The following LRP1B variants were observed in gnomAD, a reference collection of about 807,000 sequenced individuals.
The protein encoded by LRP1B is low-density lipoprotein receptor-related protein 1B.
LRP1B carries 217 observed loss-of-function variants against 556.6 expected under a neutral mutation model. The ratio of observed to expected loss-of-function variants is 0.39; its 90% CI spans 0.35 to 0.44. The LOEUF (loss-of-function observed/expected upper bound fraction) is 0.44. LRP1B is among the 20% of genes least tolerant of loss of function. LRP1B has a pLI of 1.00. For missense variants in LRP1B, 5,053 were observed against 5,620.8 expected, an observed-to-expected ratio of 0.90 and a Z score of 3.23; for synonymous variants, 2,047 against 1,865.8, an observed-to-expected ratio of 1.10 and a Z score of -2.50.
At chr2:141,331,518 C>CTT (rs1263998001) in intron 3 of LRP1B, among the ~76,000 whole-genome samples, 4,054 of 68,116 alleles carry the variant, frequency 0.06, 92 homozygotes, top group Middle Eastern at 0.12. Context: ...TTCTTTCTTT[C>CTT]TTTCTCTTTC....
At chr2:141,156,569 C>T (rs140339452) in intron 7 of LRP1B, among the ~76,000 whole-genome samples, 44 of 150,828 alleles carry the variant, frequency 2.9e-4, no homozygotes, top group Admixed American at 1.3e-3. Flanking sequence ...TGGGGGTTGC[C>T]GTGAGCCGAG....
chr2:140,979,768 T>C (rs1261667875), intron 18 of LRP1B, among the ~76,000 whole-genome samples: 1 of 152,154 alleles, frequency 6.6e-6, no homozygotes, highest in East Asian at 1.9e-4. Flanking sequence ...CAGCCTAAAA[T>C]GGTTGGATTC....
chr2:141,410,466 A>T (rs1690811518), intron 3 of LRP1B, among the ~76,000 whole-genome samples: 1 of 152,052 alleles, frequency 6.6e-6, no homozygotes, highest in African/African-American at 2.4e-5. Context: ...AATTGAATAA[A>T]ATATTAGGTT....
intron 9 of LRP1B, among the ~76,000 whole-genome samples, chr2:141,055,912 T>A (rs1161181646): frequency 6.7e-6 from 1 of 150,194 alleles, no homozygotes; most frequent in Non-Finnish European, 1.5e-5. Context: ...GCATAAAAGC[T>A]ACTAAAGAAA....
At chr2:141,198,017 A>T (rs1008126538) in intron 6 of LRP1B, among the ~76,000 whole-genome samples, 3 of 152,226 alleles carry the variant, frequency 2.0e-5, no homozygotes, top group East Asian at 3.9e-4. Flanking sequence ...TTAAAGGAAA[A>T]GGTAAGATTA....
chr2:141,181,217 A>T (rs1367922706), intron 7 of LRP1B, among the ~76,000 whole-genome samples: 2 of 151,864 alleles, frequency 1.3e-5, no homozygotes, highest in Non-Finnish European at 2.9e-5. Flanking sequence ...TCCACACAGG[A>T]TCCCTGGAAC....
At chr2:140,301,559 C>T (rs1321146115) in intron 83 of LRP1B, among the ~76,000 whole-genome samples, 1 of 152,056 alleles carries the variant, frequency 6.6e-6, no homozygotes, top group East Asian at 1.9e-4. Flanking sequence ...ATAAAAATCA[C>T]ATTCCAATCC....
intron 2 of LRP1B, among the ~76,000 whole-genome samples, chr2:141,692,002 A>G (rs1008812195): frequency 6.6e-6 from 1 of 152,036 alleles, no homozygotes; most frequent in Non-Finnish European, 1.5e-5. Context: ...CAATATAGTC[A>G]TTATGCCTGA....
At chr2:140,401,159 C>A (rs920880106) in intron 66 of LRP1B, among the ~76,000 whole-genome samples, 5 of 152,114 alleles carry the variant, frequency 3.3e-5, no homozygotes, top group Non-Finnish European at 5.9e-5. Flanking sequence ...GTGGGAAGTA[C>A]ACTGCAGGCA....
intron 11 of LRP1B, among the ~76,000 whole-genome samples, chr2:141,043,216 T>C (rs1248695742): frequency 5.3e-5 from 1 of 18,858 alleles, no homozygotes; most frequent in Non-Finnish European, 1.2e-4. Flanking sequence ...AAAAATAAAA[T>C]AAAATAAATT....
chr2:140,332,330 T>C (rs754381403), intron 79 of LRP1B, among the ~76,000 whole-genome samples: 8 of 152,052 alleles, frequency 5.3e-5, no homozygotes, highest in Non-Finnish European at 7.4e-5. Context: ...CTAACGTAAA[T>C]TTGTGAGAAA....
Position 140,239,552 on chromosome 2 carries a change from A to C in LRP1B, c.13325-20T>G, listed in dbSNP as rs1277340935. 2 of 1,477,242 alleles carry C rather than the reference A, an allele frequency of 1.4e-6. No individual in the cohort carries two copies. The highest frequency in any genetic ancestry group is 2.8e-5 in the African/African-American group (2 of 71,142). 91.5% of individuals were successfully genotyped at this position (1,477,242 alleles called of 1,614,324 possible). Reference sequence around the variant, plus strand: ...TGCTTCCTGGAAAATAAATGAGTGAATAGATGAAGAAATAAATAAAATGAA... The same window carrying C: ...TGCTTCCTGGAAAATAAATGAGTGACTAGATGAAGAAATAAATAAAATGAA... On this transcript the variant is annotated intron_variant, in intron 87 of 90. Coordinates refer to ENST00000389484, the MANE Select transcript of LRP1B (RefSeq NM_018557.3).
At chr2:141,281,866 C>T (rs1685520151) in intron 3 of LRP1B, among the ~76,000 whole-genome samples, 1 of 152,048 alleles carries the variant, frequency 6.6e-6, no homozygotes, top group Non-Finnish European at 1.5e-5. Context: ...CTGAAGAGAT[C>T]ACTTGATCCT....
At chr2:140,886,932 G>A (rs1434953896) in intron 23 of LRP1B, among the ~76,000 whole-genome samples, 1 of 152,128 alleles carries the variant, frequency 6.6e-6, no homozygotes, top group African/African-American at 2.4e-5. Flanking sequence ...AGGGAGAAAG[G>A]AAAGAAGCTT....
chr2:141,414,197 A>T (rs900810429), intron 3 of LRP1B, among the ~76,000 whole-genome samples: 1 of 147,752 alleles, frequency 6.8e-6, no homozygotes, highest in South Asian at 2.2e-4. Flanking sequence ...AGATAGCGCC[A>T]CTGCACTCCA....
chr2:140,504,040 A>T (rs1558927915), intron 53 of LRP1B, among the ~76,000 whole-genome samples: 1 of 152,088 alleles, frequency 6.6e-6, no homozygotes, highest in Non-Finnish European at 1.5e-5. Flanking sequence ...TAACAAATAC[A>T]GTGAAGTCTT....
intron 84 of LRP1B, among the ~76,000 whole-genome samples, chr2:140,284,914 A>ATCTATATT (rs1683072869): frequency 2.7e-5 from 4 of 150,896 alleles, no homozygotes; most frequent in Admixed American, 2.0e-4. Context: ...ATACCTATAT[A>ATCTATATT]CCTAGATATA....
intron 86 of LRP1B, among the ~76,000 whole-genome samples, chr2:140,248,888 G>T (rs1433509496): frequency 6.6e-6 from 1 of 150,554 alleles, no homozygotes; most frequent in Non-Finnish European, 1.5e-5. Context: ...ATTTACCCCC[G>T]AGAATATGTC....
chr2:140,303,873 T>C (rs1203970394), intron 83 of LRP1B, among the ~76,000 whole-genome samples: 1 of 151,442 alleles, frequency 6.6e-6, no homozygotes, highest in African/African-American at 2.4e-5. Context: ...AGTGTCCTCA[T>C]TGTTCAATTC....
Sources: gnomAD v4.1 joint callset for allele counts (sites outside exome capture counted in the v4.1 genomes callset) on GRCh38, gnomAD v4.1.1 for gene constraint, MANE v1.5 for transcripts, NCBI Gene and HGNC (gene_info 2026-07-23, HGNC 2026-07-21) for gene names.